NR3C1: variants seen among roughly 807,000 people sequenced by gnomAD.
The protein encoded by NR3C1 is nuclear receptor subfamily 3 group C member 1.
Under a neutral mutation model 74.0 loss-of-function variants are expected in NR3C1, and 14 were observed. The observed-to-expected ratio is 0.19, with a 90% CI of 0.12 to 0.30. The LOEUF (loss-of-function observed/expected upper bound fraction) is 0.30, where lower values mean the gene tolerates loss of function less well. Among genes scored for constraint, NR3C1 ranks in the 10% least tolerant of loss-of-function variants. The pLI, the probability that NR3C1 is intolerant of heterozygous loss-of-function variation, is 1.00. For missense variants in NR3C1, 695 were observed against 909.8 expected (o/e 0.76, Z 3.04); for synonymous variants, 308 against 332.5 (o/e 0.93, Z 0.80).
chr5:143,416,532 G>A (rs1841482725), intron 1 of NR3C1, among the ~76,000 whole-genome samples: 1 of 151,710 alleles, frequency 6.6e-6, no homozygotes, highest in African/African-American at 2.4e-5. Context: ...CCTAAGGTGA[G>A]GGCTGCTCCT....
intron 4 of NR3C1, 65 bp downstream of exon 4, chr5:143,310,032 A>AAAGT: frequency 8.1e-7 from 1 of 1,237,866 alleles, no homozygotes; most frequent in Non-Finnish European, 1.2e-6. Context: ...TGTATCTTCA[A>AAAGT]AAGTAAAATG....
Position 143,281,475 on chromosome 5 carries a change from A to G in NR3C1, c.*414T>C. On this transcript the variant is annotated 3_prime_UTR_variant, in exon 9 of 9. Transcript: ENST00000394464. ...ATAAATCAAAAATGCTATCCTAACT[A>G]TACAGGGGGGGGATACACCAACAGA... is the stretch of plus-strand genomic sequence containing the variant. The G allele has an allele frequency of 4.7e-6, 1 of 214,648 alleles. No individual in the cohort carries two copies. The highest frequency in any genetic ancestry group is 7.2e-5 in the South Asian group (1 of 13,956). 13.3% of individuals were successfully genotyped at this position (214,648 alleles called of 1,614,324 possible).
chr5:143,370,053 T>G (rs978323366), intron 2 of NR3C1, among the ~76,000 whole-genome samples: 1 of 152,208 alleles, frequency 6.6e-6, no homozygotes, highest in African/African-American at 2.4e-5. Flanking sequence ...GCAGATTAAA[T>G]TGGAATCTGG....
chr5:143,290,871 T>C (rs183156411), intron 7 of NR3C1, among the ~76,000 whole-genome samples: 2 of 152,278 alleles, frequency 1.3e-5, no homozygotes, highest in East Asian at 3.9e-4. Context: ...CCCATCTCTA[T>C]ATTTAATGAA....
At chr5:143,320,929 G>C (rs1334650400) in intron 2 of NR3C1, among the ~76,000 whole-genome samples, 7 of 152,144 alleles carry the variant, frequency 4.6e-5, no homozygotes. Context: ...TTGCATTAGG[G>C]GATGCGAGTT....
At chr5:143,353,781 T>C (rs917848427) in intron 2 of NR3C1, among the ~76,000 whole-genome samples, 4 of 152,106 alleles carry the variant, frequency 2.6e-5, no homozygotes, top group African/African-American at 9.7e-5. Flanking sequence ...GTCTTAAGGG[T>C]CTTCGGATTT....
chr5:143,338,549 T>A (rs1827597750), intron 2 of NR3C1, among the ~76,000 whole-genome samples: 1 of 152,146 alleles, frequency 6.6e-6, no homozygotes, highest in Non-Finnish European at 1.5e-5. Context: ...TGTGTATTAG[T>A]TTTTAGTAAC....
At chr5:143,409,708 G>T (rs1171851806) in intron 1 of NR3C1, among the ~76,000 whole-genome samples, 2 of 152,194 alleles carry the variant, frequency 1.3e-5, no homozygotes, top group African/African-American at 4.8e-5. Context: ...TTTTATGCCA[G>T]ACATGCCTAT....
chr5:143,431,157 G>T, intron 1 of NR3C1, among the ~76,000 whole-genome samples: 1 of 152,068 alleles, frequency 6.6e-6, no homozygotes, highest in East Asian at 1.9e-4. Context: ...CCAGGGTTCC[G>T]GGACTGGGTA....
intron 1 of NR3C1, among the ~76,000 whole-genome samples, chr5:143,415,832 C>A (rs757153869): frequency 3.9e-5 from 6 of 152,084 alleles, no homozygotes; most frequent in Non-Finnish European, 8.8e-5. Flanking sequence ...CATTATTGGG[C>A]TCATTTTAAA....
At chr5:143,378,182 T>C (rs554361640) in intron 2 of NR3C1, among the ~76,000 whole-genome samples, 1 of 152,152 alleles carries the variant, frequency 6.6e-6, no homozygotes, top group South Asian at 2.1e-4. Flanking sequence ...GCCCAGGAGT[T>C]CAAGGCTGCA....
In NR3C1 at chr5:143,281,892, CTT is replaced by C; in HGVS notation, c.2329_2330del (p.Lys777ValfsTer21). On this transcript the variant is annotated frameshift_variant, in exon 9 of 9. Transcript: ENST00000394464. LOFTEE classifies it high-confidence loss of function. ...GNIKKLLFHQK is the reference protein window; with the variant it reads ...GNIKKLLFHQX ...GCAACCATTCTTATTAAGGCAGTCA[CTT>C]TTGATGAAACAGAAGTTTTTTGATA... is the stretch of plus-strand genomic sequence containing the variant. 6.2e-7 allele frequency: 1 copy of C among 1,613,182 alleles called. No homozygotes were observed. The highest frequency in any genetic ancestry group is 8.5e-7 in the Non-Finnish European group (1 of 1,179,438).
Position 143,308,440 on chromosome 5 carries a change from G to A in NR3C1, c.1468+1657C>T, listed in dbSNP as rs1430249955. On this transcript the variant is annotated intron_variant, in intron 4 of 8. Coordinates refer to ENST00000394464, the MANE Select transcript of NR3C1 (RefSeq NM_000176.3). Reference sequence around the variant, plus strand: ...GTTCATGTCACTGCACTCCAGCCTGGGTGACAAGAGTTAGACTCTGTCTCT... The same window carrying A: ...GTTCATGTCACTGCACTCCAGCCTGAGTGACAAGAGTTAGACTCTGTCTCT... Among the ~76,000 whole-genome samples, 4 of 152,090 alleles carry A rather than the reference G, an allele frequency of 2.6e-5. No individual in the cohort carries two copies. The South Asian group carries it at 8.3e-4, about 32-fold the overall frequency.
intron 1 of NR3C1, among the ~76,000 whole-genome samples, chr5:143,428,235 T>G (rs1220678239): frequency 6.6e-6 from 1 of 152,210 alleles, no homozygotes; most frequent in Admixed American, 6.5e-5. Flanking sequence ...TGCCTCCTGG[T>G]CTTTCCCTGA....
intron 1 of NR3C1, among the ~76,000 whole-genome samples, chr5:143,409,691 A>C (rs78784016): frequency 1.3e-5 from 2 of 152,338 alleles, no homozygotes; most frequent in East Asian, 3.9e-4. Flanking sequence ...CTGCTTCAAT[A>C]TTTGTATTTT....
chr5:143,426,317 AAATT>A (rs1751526998), intron 1 of NR3C1, among the ~76,000 whole-genome samples: 1 of 152,190 alleles, frequency 6.6e-6, no homozygotes, highest in Non-Finnish European at 1.5e-5. Flanking sequence ...TGGTTGTACA[AAATT>A]AAGAACATAC....
intron 2 of NR3C1, among the ~76,000 whole-genome samples, chr5:143,337,797 T>C (rs1827430537): frequency 6.6e-6 from 1 of 152,180 alleles, no homozygotes; most frequent in Non-Finnish European, 1.5e-5. Context: ...ATTCAAAATA[T>C]ACAAACTGAG....
intron 2 of NR3C1, among the ~76,000 whole-genome samples, chr5:143,385,135 A>G (rs1836951919): frequency 6.6e-6 from 1 of 152,166 alleles, no homozygotes; most frequent in Non-Finnish European, 1.5e-5. Flanking sequence ...GGCCCCTTTT[A>G]GCCACAGCTG....
upstream of NR3C1, chr5:143,407,217 A>G (rs1315120399): frequency 6.6e-6 from 1 of 152,262 alleles, no homozygotes; most frequent in Non-Finnish European, 1.5e-5. Flanking sequence ...CAGGCACCCA[A>G]CAAATACATT....
Sources: allele counts gnomAD v4.1 joint callset (sites outside exome capture counted in the v4.1 genomes callset), GRCh38; gene constraint gnomAD v4.1.1; transcripts MANE v1.5; gene names NCBI Gene and HGNC (gene_info 2026-07-23, HGNC 2026-07-21).